NPM3: variants seen among roughly 807,000 people sequenced by gnomAD.
The protein encoded by NPM3 is nucleoplasmin-3.
A neutral mutation model predicts 18.1 loss-of-function variants in NPM3; 12 were observed. The observed-to-expected ratio is 0.66, with a 90% CI of 0.42 to 1.07. The LOEUF is 1.07. Among genes scored for constraint, NPM3 ranks in the 50% least tolerant of loss-of-function variants. NPM3 has a pLI of 0.00. For missense variants in NPM3, 274 were observed against 232.1 expected, an observed-to-expected ratio of 1.18 and a Z score of -1.17; for synonymous variants, 116 against 93.7, an observed-to-expected ratio of 1.24 and a Z score of -1.38.
Position 101,782,827 on chromosome 10 carries a change from CCTG to C in NPM3, c.204+9_204+11del. 1 of 1,613,666 alleles carries C rather than the reference CCTG, an allele frequency of 6.2e-7. No individual in the cohort carries two copies. The highest frequency in any genetic ancestry group is 8.5e-7 in the Non-Finnish European group (1 of 1,179,780). The stretch of plus-strand genomic sequence containing the variant: ...GGCTTATTCATTAAAACCCCACTCC[CCTG>C]CCCCTCACCATGGTTAGTGCCAGCA... On this transcript the variant is annotated intron_variant, in intron 2 of 5. Transcript: ENST00000370110.
At position 101,782,366 on chromosome 10, in the gene NPM3, A is replaced by C; in HGVS notation, c.325-15T>G. The C allele has an allele frequency of 6.2e-7, 1 of 1,613,006 alleles. No individual in the cohort carries two copies. The highest frequency in any genetic ancestry group is 8.5e-7 in the Non-Finnish European group (1 of 1,179,458). The stretch of plus-strand genomic sequence containing the variant: ...TCCAGACTGAGCTGGGAGGAAGACA[A>C]GGATGAAGGCCTGGCCCACTCCTAG... On this transcript the variant is annotated splice_polypyrimidine_tract_variant and intron_variant, in intron 3 of 5. Transcript: ENST00000370110.
rs896402545 is a variant in NPM3 at position 101,781,821 on chromosome 10, C to T, written c.452G>A (p.Ser151Asn). ...ATCACTGTCCTCTTCCTCTTCCTCG[C>T]TCTCCTCCTCAGAAACATCATTGCT... Residue 151 changes from serine (S) to asparagine (N), a missense_variant, in exon 5 of 6, where the codon AGC (serine) becomes AAC (asparagine). Physicochemically the swap from Ser to Asn is conservative, Grantham distance 46 (BLOSUM62 1). Coordinates refer to ENST00000370110, the Ensembl canonical transcript of NPM3. The T allele has an allele frequency of 3.1e-6, 5 of 1,614,044 alleles. No homozygotes were observed. The African/African-American group carries it at 4.0e-5, about 13-fold the overall frequency.
At chr10:101,782,340 A>G in exon 4 of NPM3, 1 of 1,613,912 alleles carries the variant, frequency 6.2e-7, no homozygotes, top group Non-Finnish European at 8.5e-7. Flanking sequence ...GCTGGAAGTC[A>G]TCCAGACTGA....
At position 101,782,250 on chromosome 10, in the gene NPM3, C is replaced by G; in HGVS notation, c.418+8G>C. Reference sequence around the variant, plus strand: ...GAAGCAAAGGAGAGGGCCCTCCCCTCTTCTCACCAATCTGGTGCCGCCCAG... The same window carrying G: ...GAAGCAAAGGAGAGGGCCCTCCCCTGTTCTCACCAATCTGGTGCCGCCCAG... On this transcript the variant is annotated splice_region_variant and intron_variant, in intron 4 of 5. Transcript: ENST00000370110. 6.2e-7 allele frequency: 1 copy of G among 1,612,062 alleles called. No individual in the cohort carries two copies. The highest frequency in any genetic ancestry group is 8.5e-7 in the Non-Finnish European group (1 of 1,178,876).
chr10:101,783,119 C>G (rs550183235), intron 1 of NPM3, among the ~76,000 whole-genome samples, 154 bp downstream of exon 1: 83 of 152,210 alleles, frequency 5.5e-4, no homozygotes, highest in Non-Finnish European at 9.3e-4. Context: ...ATCTCGCCAC[C>G]CCCTTTGGCT....
Position 101,782,241 on chromosome 10 carries a change from C to T in NPM3, c.418+17G>A, listed in dbSNP as rs1487171097. 9.4e-6 allele frequency: 15 copies of T among 1,597,788 alleles called. No individual in the cohort carries two copies. The highest frequency in any genetic ancestry group is 1.7e-4 in the Middle Eastern group (1 of 5,866). On this transcript the variant is annotated intron_variant, in intron 4 of 5. Transcript: ENST00000370110. Reference sequence around the variant, plus strand: ...AGTCCACTGGAAGCAAAGGAGAGGGCCCTCCCCTCTTCTCACCAATCTGGT... The same window carrying T: ...AGTCCACTGGAAGCAAAGGAGAGGGTCCTCCCCTCTTCTCACCAATCTGGT...
At position 101,782,830 on chromosome 10, in the gene NPM3, GC is replaced by G; in HGVS notation, c.204+8del. 2 of 1,613,634 alleles carry G rather than the reference GC, an allele frequency of 1.2e-6. No homozygotes were observed. Among genetic ancestry groups the G allele is most frequent in the Non-Finnish European group, 8.5e-7 (1 of 1,179,706 alleles). ...TTATTCATTAAAACCCCACTCCCCTGCCCCTCACCATGGTTAGTGCCAGCAC... is the reference window on the plus strand; with the variant it reads ...TTATTCATTAAAACCCCACTCCCCTGCCCTCACCATGGTTAGTGCCAGCAC... On this transcript the variant is annotated splice_region_variant and intron_variant, in intron 2 of 5. Coordinates refer to ENST00000370110, the Ensembl canonical transcript of NPM3.
chr10:101,783,258 T>TCC lies in NPM3; in HGVS notation c.118+13_118+14dup. 1 of 1,563,642 alleles carries TCC rather than the reference T, an allele frequency of 6.4e-7. No homozygotes were observed. The highest frequency in any genetic ancestry group is 8.8e-7 in the Non-Finnish European group (1 of 1,142,602). ...CCGCCCCAGTACCACCCTCAGCCTC[T>TCC]CCCTTCACTAATACCGAAGAAAAAA... On this transcript the variant is annotated intron_variant, in intron 1 of 5. Transcript: ENST00000370110.
exon 6 of NPM3, chr10:101,781,440 G>A (rs573116107): frequency 4.7e-6 from 2 of 429,708 alleles, no homozygotes; most frequent in East Asian, 8.5e-5. Flanking sequence ...CAGGTGGGAA[G>A]GGAGGCCCCG....
chr10:101,782,675 C>G (rs1459534828), intron 2 of NPM3, 78 bp from the exon 3 acceptor site: 2 of 1,602,172 alleles, frequency 1.2e-6, no homozygotes, highest in Admixed American at 1.7e-5. Flanking sequence ...ACCCTAGCAC[C>G]TGCCCAGCCT....
At position 101,781,859 on chromosome 10, in the gene NPM3, T is replaced by TG. The variant is rs1564635410; in HGVS notation, c.419-6dup. 1 of 1,614,064 alleles carries TG rather than the reference T, an allele frequency of 6.2e-7. No homozygotes were observed. Among genetic ancestry groups the TG allele is most frequent in the East Asian group, 2.2e-5 (1 of 44,866 alleles). ...AAACATCATTGCTCATCGTAACTGG[T>TG]GGACACACAAGCAGTAGAAGGATGG... On this transcript the variant is annotated splice_region_variant and splice_polypyrimidine_tract_variant and intron_variant, in intron 4 of 5. Coordinates refer to ENST00000370110, the Ensembl canonical transcript of NPM3.
intron 3 of NPM3, 59 bp from the exon 4 acceptor site, chr10:101,782,410 GA>G (rs1432373237): frequency 7.5e-6 from 12 of 1,602,042 alleles, no homozygotes; most frequent in Non-Finnish European, 1.0e-5. Flanking sequence ...ACACTGTAAT[GA>G]GTGCTAACGT....
chr10:101,783,154 C>T (rs368566901), intron 1 of NPM3, 119 bp downstream of exon 1: 3 of 894,184 alleles, frequency 3.4e-6, no homozygotes, highest in Admixed American at 2.3e-5. Context: ...CCCTCTCCTG[C>T]GGGAACAGCG....
At chr10:101,781,796 A>C in exon 5 of NPM3, 1 of 1,614,152 alleles carries the variant, frequency 6.2e-7, no homozygotes, top group Non-Finnish European at 8.5e-7. Flanking sequence ...CTTCTTCCTC[A>C]TCACTGTCCT....
At chr10:101,782,146 G>A in intron 4 of NPM3, 112 bp downstream of exon 4, 1 of 1,035,042 alleles carries the variant, frequency 9.7e-7, no homozygotes. Context: ...ACACAGACCT[G>A]TACAGGGCTG....
chr10:101,781,805 C>G (rs1589817293), exon 5 of NPM3: 1 of 1,614,010 alleles, frequency 6.2e-7, no homozygotes, highest in African/African-American at 1.3e-5. Flanking sequence ...CATCACTGTC[C>G]TCTTCCTCTT....
In NPM3 at chr10:101,781,859, T is replaced by C. The variant is rs1564635405; in HGVS notation, c.419-5A>G. The C allele has an allele frequency of 1.2e-6, 2 of 1,614,064 alleles. No homozygotes were observed. The highest frequency in any genetic ancestry group is 1.7e-5 in the Admixed American group (1 of 60,012). ...AAACATCATTGCTCATCGTAACTGGTGGACACACAAGCAGTAGAAGGATGG... is the reference window on the plus strand; with the variant it reads ...AAACATCATTGCTCATCGTAACTGGCGGACACACAAGCAGTAGAAGGATGG... On this transcript the variant is annotated splice_polypyrimidine_tract_variant and splice_region_variant and intron_variant, in intron 4 of 5. Coordinates refer to ENST00000370110, the Ensembl canonical transcript of NPM3.
chr10:101,782,502 G>T (rs1452720090), exon 3 of NPM3: 5 of 1,613,196 alleles, frequency 3.1e-6, no homozygotes, highest in African/African-American at 1.3e-5. Context: ...ACAGCTTGAG[G>T]TTGGCCACAG....
intron 1 of NPM3, 151 bp downstream of exon 1, chr10:101,783,122 C>T (rs1256683236): frequency 7.5e-6 from 6 of 802,268 alleles, no homozygotes; most frequent in African/African-American, 1.7e-5. Context: ...TCGCCACCCC[C>T]TTTGGCTGTG....
Sources: allele counts gnomAD v4.1 joint callset (sites outside exome capture counted in the v4.1 genomes callset), GRCh38; gene constraint gnomAD v4.1.1; transcripts MANE v1.5; gene names NCBI Gene and HGNC (gene_info 2026-07-23, HGNC 2026-07-21).